Variants in PCDHGA10 observed in about 807,000 individuals in gnomAD.
PCDHGA10 encodes protocadherin gamma-A10.
Under a neutral mutation model 59.5 loss-of-function variants are expected in PCDHGA10, and 42 were observed. The ratio of observed to expected loss-of-function variants is 0.71; its 90% CI spans 0.55 to 0.91. The LOEUF (loss-of-function observed/expected upper bound fraction) is 0.91. Ranked by LOEUF, PCDHGA10 falls within the 40% of genes least tolerant of loss-of-function variation. The probability of loss-of-function intolerance (pLI) is 0.00; values close to 1 mark genes in which losing one functional copy is unlikely to be tolerated. For missense variants in PCDHGA10, 1,111 were observed against 1,198.2 expected (o/e 0.93, Z 1.07); for synonymous variants, 511 against 517.2 (o/e 0.99, Z 0.16).
At chr5:141,475,910 G>A in intron 1 of PCDHGA10, 1 of 588,414 alleles carries the variant, frequency 1.7e-6, no homozygotes, top group South Asian at 2.3e-5. Context: ...GTCGGCCAAT[G>A]AAGACGCTGG....
rs371350905 is a variant in PCDHGA10 at position 141,476,860 on chromosome 5, G to A, written c.2437-17947G>A. The A allele has an allele frequency of 6.7e-5, 108 of 1,613,762 alleles. No individual in the cohort carries two copies. The highest frequency in any genetic ancestry group is 1.6e-4 in the East Asian group (7 of 44,884). ...ATGCGCCTGTCTTCAACCAGTCCTT[G>A]TACCGGGCGCGCGTCCTGGAGGATG... is the stretch of plus-strand genomic sequence containing the variant. On this transcript the variant is annotated intron_variant, in intron 1 of 3. Transcript: ENST00000398610. This position sits in a 1 kb window ranked among gnomAD's most constrained non-coding sequence, Gnocchi z 7.6.
At chr5:141,456,215 C>T (rs1465130067) in intron 1 of PCDHGA10, among the ~76,000 whole-genome samples, 2 of 152,048 alleles carry the variant, frequency 1.3e-5, no homozygotes, top group African/African-American at 2.4e-5. Flanking sequence ...CTCCCTGTGG[C>T]GATATCAAAC....
chr5:141,452,278 T>C (rs1047687328), intron 1 of PCDHGA10, among the ~76,000 whole-genome samples: 1 of 152,226 alleles, frequency 6.6e-6, no homozygotes, highest in African/African-American at 2.4e-5. Context: ...AACCCTTTCT[T>C]ACTTTCTGAT....
At chr5:141,422,330 CTCT>C in intron 1 of PCDHGA10, 1 of 1,548,166 alleles carries the variant, frequency 6.5e-7, no homozygotes, top group East Asian at 2.2e-5. Context: ...ACAGTGATTG[CTCT>C]TCTAAATGTG....
In PCDHGA10 at chr5:141,490,309, A is replaced by G. The variant is rs1485303337; in HGVS notation, c.2437-4498A>G. On this transcript the variant is annotated intron_variant, in intron 1 of 3. Transcript: ENST00000398610. The surrounding 1 kb of genome is among the most constrained non-coding windows in gnomAD (Gnocchi z 5.4). ...AGAGGTGCTATTGGCCTCTTTGGCCAACCCTGTCCTAGAGAGCACACCAGT... is the reference window on the plus strand; with the variant it reads ...AGAGGTGCTATTGGCCTCTTTGGCCGACCCTGTCCTAGAGAGCACACCAGT... The G allele has an allele frequency of 2.8e-5, 46 of 1,614,126 alleles. No homozygotes were observed. Among genetic ancestry groups the G allele is most frequent in the Non-Finnish European group, 3.8e-5 (45 of 1,180,056 alleles).
At chr5:141,463,103 A>G (rs1235750988) in intron 1 of PCDHGA10, among the ~76,000 whole-genome samples, 1 of 152,206 alleles carries the variant, frequency 6.6e-6, no homozygotes, top group African/African-American at 2.4e-5. Context: ...GTGACCATCA[A>G]GAATTCAGCT....
At chr5:141,423,734 T>C in intron 1 of PCDHGA10, 1 of 969,626 alleles carries the variant, frequency 1.0e-6, no homozygotes, top group Non-Finnish European at 1.3e-6. Flanking sequence ...TTTTTGAGCC[T>C]GTTATGAAAA....
chr5:141,423,225 C>G (rs763729316), intron 1 of PCDHGA10: 3 of 1,613,686 alleles, frequency 1.9e-6, no homozygotes, highest in Admixed American at 1.7e-5. Context: ...TGGCTGTGGC[C>G]GACAGCATCC....
At chr5:141,465,757 T>C (rs2099108578) in intron 1 of PCDHGA10, among the ~76,000 whole-genome samples, 1 of 152,046 alleles carries the variant, frequency 6.6e-6, no homozygotes, top group South Asian at 2.1e-4. Context: ...ACTGGTAAAG[T>C]CATGTTTCAT....
chr5:141,443,309 C>T (rs2098379780), intron 1 of PCDHGA10, among the ~76,000 whole-genome samples: 1 of 131,436 alleles, frequency 7.6e-6, no homozygotes, highest in African/African-American at 3.4e-5. Flanking sequence ...GGCAAAAACC[C>T]ATCTCTACAA....
In PCDHGA10 at chr5:141,487,574, C is replaced by T. The variant is rs753979217; in HGVS notation, c.2437-7233C>T. ...TGCACCTATGGCAGGGGAGCCTGTTCGCCCAAGCTGCCCACCCTCTGATCT... is the reference window on the plus strand; with the variant it reads ...TGCACCTATGGCAGGGGAGCCTGTTTGCCCAAGCTGCCCACCCTCTGATCT... On this transcript the variant is annotated intron_variant, in intron 1 of 3. Transcript: ENST00000398610. This position sits in a 1 kb window ranked among gnomAD's most constrained non-coding sequence, Gnocchi z 5.0. 1.2e-5 allele frequency: 20 copies of T among 1,614,040 alleles called. 1 individual carries two copies. The highest frequency in any genetic ancestry group is 8.9e-5 in the East Asian group (4 of 44,870).
intron 1 of PCDHGA10, among the ~76,000 whole-genome samples, chr5:141,450,829 A>ATTTT (rs373424450): frequency 2.2e-4 from 30 of 135,142 alleles, no homozygotes; most frequent in African/African-American, 6.3e-4. Flanking sequence ...TATTATTATT[A>ATTTT]TTTTTTTTTT....
chr5:141,478,977 T>G (rs1004184325), intron 1 of PCDHGA10, among the ~76,000 whole-genome samples: 12 of 152,210 alleles, frequency 7.9e-5, no homozygotes, highest in Admixed American at 5.2e-4. Flanking sequence ...TTCAAGTGAT[T>G]GTGACATTTG....
chr5:141,470,911 G>A (rs1208467445), intron 1 of PCDHGA10, among the ~76,000 whole-genome samples: 1 of 151,916 alleles, frequency 6.6e-6, no homozygotes, highest in Non-Finnish European at 1.5e-5. Context: ...AGATGGGACT[G>A]TCCCTATGTT....
chr5:141,502,694 G>A (rs1039264846), intron 2 of PCDHGA10, among the ~76,000 whole-genome samples: 5 of 152,180 alleles, frequency 3.3e-5, no homozygotes, highest in African/African-American at 1.2e-4. Flanking sequence ...ATCCTTGCCT[G>A]TATCTGTTTT....
intron 1 of PCDHGA10, among the ~76,000 whole-genome samples, chr5:141,454,796 A>AT (rs61612330): frequency 0.026 from 2,045 of 77,400 alleles, 387 homozygotes; most frequent in East Asian, 0.04. Flanking sequence ...CATGGTTCTA[A>AT]TTTTTTTTTT....
At chr5:141,461,689 A>G (rs2099020485) in intron 1 of PCDHGA10, among the ~76,000 whole-genome samples, 1 of 152,120 alleles carries the variant, frequency 6.6e-6, no homozygotes, top group Admixed American at 6.6e-5. Context: ...GTTTATTTTG[A>G]GACAGAGTTT....
At position 141,486,061 on chromosome 5, in the gene PCDHGA10, C is replaced by T. The variant is rs1280895997; in HGVS notation, c.2437-8746C>T. 2 of 1,614,166 alleles carry T rather than the reference C, an allele frequency of 1.2e-6. No individual in the cohort carries two copies. Among genetic ancestry groups the T allele is most frequent in the South Asian group, 1.1e-5 (1 of 91,078 alleles). On this transcript the variant is annotated intron_variant, in intron 1 of 3. Coordinates refer to ENST00000398610, the MANE Select transcript of PCDHGA10 (RefSeq NM_018913.3). The surrounding 1 kb of genome is among the most constrained non-coding windows in gnomAD (Gnocchi z 5.0). ...GTGTAAGAAACCTCTTTAGCCTGCA[C>T]CCCACTACTGGAAAGCTTACTCTTT...
chr5:141,449,300 T>C (rs2098635283), intron 1 of PCDHGA10, among the ~76,000 whole-genome samples: 1 of 152,090 alleles, frequency 6.6e-6, no homozygotes, highest in Non-Finnish European at 1.5e-5. Flanking sequence ...GGGTGAATTA[T>C]ATGTATTATA....
Sources: gnomAD v4.1 joint callset for allele counts (sites outside exome capture counted in the v4.1 genomes callset) on GRCh38, gnomAD v4.1.1 for gene constraint, Gnocchi (gnomAD v3.1) non-coding constraint, MANE v1.5 for transcripts, NCBI Gene and HGNC (gene_info 2026-07-23, HGNC 2026-07-21) for gene names.